Variants in HYLS1 observed in about 807,000 individuals in gnomAD.
HYLS1 encodes the protein HYLS1 centriolar and ciliogenesis associated.
HYLS1 carries 25 observed loss-of-function variants against 29.4 expected under a neutral mutation model. The ratio of observed to expected loss-of-function variants is 0.85; its 90% CI spans 0.62 to 1.19. The LOEUF (loss-of-function observed/expected upper bound fraction) is 1.19. HYLS1 is among the 50% of genes most tolerant of loss of function. HYLS1 has a pLI of 0.00. For missense variants in HYLS1, 352 were observed against 365.1 expected, an observed-to-expected ratio of 0.96 and a Z score of 0.29; for synonymous variants, 128 against 126.7, an observed-to-expected ratio of 1.01 and a Z score of -0.07.
chr11:125,899,094 C>T (rs1354193453), intron 2 of HYLS1: 3 of 457,716 alleles, frequency 6.6e-6, no homozygotes, highest in Non-Finnish European at 1.2e-5. Flanking sequence ...ACTATACTGT[C>T]CTGTTTTAGG....
upstream of HYLS1, chr11:125,887,615 G>A (rs1002657496): frequency 2.0e-5 from 3 of 152,336 alleles, no homozygotes; most frequent in African/African-American, 7.2e-5. Context: ...TCGCTCTCCG[G>A]ATTTAAACCT....
intron 2 of HYLS1, among the ~76,000 whole-genome samples, chr11:125,894,657 A>C (rs1489408027): frequency 1.3e-5 from 2 of 152,240 alleles, no homozygotes; most frequent in African/African-American, 4.8e-5. Context: ...TCTCAAATGA[A>C]AAATCTTGAC....
rs1591508358 is a variant in HYLS1 at position 125,900,096 on chromosome 11, A to G, written c.728A>G (p.Glu243Gly). The change falls in exon 3 of 3, where the codon GAG becomes GGG. Residue 243 changes from glutamate to glycine, a missense_variant. Glu to Gly is a moderately conservative substitution (Grantham distance 98, BLOSUM62 -2). Transcript: ENST00000425380. ...AAGGAATTACGCTGGGGTGTCCGAG[A>G]GCAGATGCTTTGTCGAGCAGAACCC... ...HRKELRWGVR[E>G]QMLCRAEPQS... is the part of the protein sequence containing the mutation. 2 of 1,614,186 alleles carry G rather than the reference A, an allele frequency of 1.2e-6. No homozygotes were observed. The highest frequency in any genetic ancestry group is 1.7e-6 in the Non-Finnish European group (2 of 1,180,038).
intron 2 of HYLS1, chr11:125,895,377 A>C: frequency 1.2e-6 from 2 of 1,614,174 alleles, no homozygotes; most frequent in Non-Finnish European, 1.7e-6. Flanking sequence ...AAACTGACAT[A>C]ACTGGAAAGG....
rs1434315632 is a variant in HYLS1 at position 125,887,697 on chromosome 11, A to T, written c.-144A>T. The T allele has an allele frequency of 6.6e-6, 1 of 152,302 alleles. No homozygotes were observed. Among genetic ancestry groups the T allele is most frequent in the Non-Finnish European group, 1.5e-5 (1 of 68,074 alleles). The allele number at this position is 152,302 out of a possible 1,614,324, so 9.4% of individuals were successfully genotyped here. ...CGCCTGCGCAAGTTACGCGAAAGCT[A>T]ACAGAATCTGCGGTGCTCTGCTGGC... On this transcript the variant is annotated 5_prime_UTR_variant, in exon 1 of 3. Coordinates refer to ENST00000425380, the MANE Select transcript of HYLS1 (RefSeq NM_001134793.2).
chr11:125,888,250 C>T (rs1944345314), intron 1 of HYLS1: 1 of 152,274 alleles, frequency 6.6e-6, no homozygotes, highest in Non-Finnish European at 1.5e-5. Context: ...CAGCATGGAA[C>T]CGTCCAAGGT....
upstream of HYLS1, among the ~76,000 whole-genome samples, chr11:125,884,599 A>T (rs1944277989): frequency 6.6e-6 from 1 of 152,122 alleles, no homozygotes; most frequent in South Asian, 2.1e-4. Context: ...AAAGAGTGAG[A>T]CTCCGTCTCA....
Position 125,900,396 on chromosome 11 carries a change from T to G in HYLS1, c.*128T>G, listed in dbSNP as rs1162852816. The G allele has an allele frequency of 1.1e-5, 9 of 855,308 alleles. No homozygotes were observed. Among genetic ancestry groups the G allele is most frequent in the Non-Finnish European group, 1.7e-5 (9 of 529,350 alleles). The allele number at this position is 855,308 out of a possible 1,614,324, so 53.0% of individuals were successfully genotyped here. The stretch of plus-strand genomic sequence containing the variant: ...TTATGGTAAGGACTTCACCTATCAT[T>G]GGTCTTTCCTAGCTATATATCACAT... On this transcript the variant is annotated 3_prime_UTR_variant, in exon 3 of 3. Transcript: ENST00000425380.
At chr11:125,888,388 TGAGA>T (rs952952789) in intron 1 of HYLS1, 3 of 152,272 alleles carry the variant, frequency 2.0e-5, no homozygotes, top group Non-Finnish European at 2.9e-5. Context: ...CCCATGCTGC[TGAGA>T]GAGTGAAGAA....
chr11:125,896,212 C>A (rs750923031), intron 2 of HYLS1: 1 of 1,614,116 alleles, frequency 6.2e-7, no homozygotes. Flanking sequence ...AGTCTTTGCA[C>A]CTCTTGCTCC....
chr11:125,885,778 A>G (rs929399225), upstream of HYLS1, among the ~76,000 whole-genome samples: 1 of 152,244 alleles, frequency 6.6e-6, no homozygotes, highest in Admixed American at 6.5e-5. Flanking sequence ...ATCTGGCATT[A>G]CTGCCTGAGC....
intron 2 of HYLS1, among the ~76,000 whole-genome samples, chr11:125,895,051 CTTT>C (rs11384524): frequency 8.5e-5 from 12 of 142,010 alleles, no homozygotes; most frequent in Admixed American, 7.8e-4. Flanking sequence ...TATGCTATTT[CTTT>C]TTTTTTTTTT....
chr11:125,887,960 G>A (rs981768609), intron 1 of HYLS1, 195 bp downstream of exon 1: 6 of 152,372 alleles, frequency 3.9e-5, no homozygotes, highest in African/African-American at 1.4e-4. Context: ...GGGGCAGCGT[G>A]AGCTACAGGC....
chr11:125,885,405 C>T (rs993375268), upstream of HYLS1, among the ~76,000 whole-genome samples: 1 of 151,822 alleles, frequency 6.6e-6, no homozygotes, highest in Non-Finnish European at 1.5e-5. Context: ...GAGCCAAGAT[C>T]GTGCCACTGC....
At chr11:125,896,039 C>T in intron 2 of HYLS1, 1 of 1,614,162 alleles carries the variant, frequency 6.2e-7, no homozygotes, top group Non-Finnish European at 8.5e-7. Flanking sequence ...TTGTGTTTTC[C>T]TGACTAGCAA....
chr11:125,897,817 C>T (rs2134251663), intron 2 of HYLS1, among the ~76,000 whole-genome samples: 1 of 152,292 alleles, frequency 6.6e-6, no homozygotes, highest in South Asian at 2.1e-4. Flanking sequence ...ATTGAATATA[C>T]ACATACCTTT....
upstream of HYLS1, among the ~76,000 whole-genome samples, chr11:125,884,749 T>C (rs189980387): frequency 6.8e-4 from 104 of 152,368 alleles, no homozygotes; most frequent in Non-Finnish European, 7.3e-5. Flanking sequence ...TATGTGGTGA[T>C]ATAGAAGCAA....
chr11:125,885,810 A>G (rs1944296183), upstream of HYLS1, among the ~76,000 whole-genome samples: 1 of 152,230 alleles, frequency 6.6e-6, no homozygotes, highest in South Asian at 2.1e-4. Context: ...TCGCATGAAC[A>G]GGGGTGTTAG....
rs886047939 is a variant in HYLS1 at position 125,891,482 on chromosome 11, T to TTAA, written c.-26+10_-26+11insTAA. ...GATACATTGAAATAAGGTAAGAAAT[T>TTAA]GAAAAAAAAAAAAAAAAACCTTGGT... On this transcript the variant is annotated intron_variant, in intron 2 of 2. Coordinates refer to ENST00000425380, the MANE Select transcript of HYLS1 (RefSeq NM_001134793.2). 2 of 11,368 alleles carry TTAA rather than the reference T, an allele frequency of 1.8e-4. No individual in the cohort carries two copies. The highest frequency in any genetic ancestry group is 2.6e-4 in the Non-Finnish European group (1 of 3,816). The allele number at this position is 11,368 out of a possible 1,614,324, so 0.7% of individuals were successfully genotyped here.
Sources: allele counts gnomAD v4.1 joint callset (sites outside exome capture counted in the v4.1 genomes callset), GRCh38; gene constraint gnomAD v4.1.1; transcripts MANE v1.5; gene names NCBI Gene and HGNC (gene_info 2026-07-23, HGNC 2026-07-21).